Variants in EDIL3 observed in about 807,000 individuals in gnomAD.
EDIL3 encodes EGF-like repeat and discoidin I-like domain-containing protein 3.
A neutral mutation model predicts 67.4 loss-of-function variants in EDIL3; 37 were observed. The observed-to-expected ratio is 0.55, with a 90% confidence interval of 0.42 to 0.72. The LOEUF is 0.72. Ranked by LOEUF, EDIL3 falls within the 30% of genes least tolerant of loss-of-function variation. EDIL3 has a pLI of 0.00. For missense variants in EDIL3, 527 were observed against 586.3 expected (o/e 0.90, Z 1.04); for synonymous variants, 195 against 196.3 (o/e 0.99, Z 0.05).
At chr5:84,363,761 T>C (rs1256308785) in intron 1 of EDIL3, among the ~76,000 whole-genome samples, 1 of 152,168 alleles carries the variant, frequency 6.6e-6, no homozygotes, top group Non-Finnish European at 1.5e-5. Context: ...ACTTCTTGAC[T>C]GTATAAATTT....
At chr5:84,067,086 T>C (rs1449103304) in intron 6 of EDIL3, among the ~76,000 whole-genome samples, 1 of 152,168 alleles carries the variant, frequency 6.6e-6, no homozygotes, top group Non-Finnish European at 1.5e-5. Flanking sequence ...TTTTAAAAAG[T>C]AAAGACAAAA....
At chr5:84,300,207 A>G (rs1157662076) in intron 1 of EDIL3, among the ~76,000 whole-genome samples, 2 of 152,148 alleles carry the variant, frequency 1.3e-5, no homozygotes, top group Non-Finnish European at 2.9e-5. Flanking sequence ...TGCATTTCTT[A>G]GCTTTTGGCC....
At chr5:84,147,171 A>G (rs1748303296) in intron 4 of EDIL3, among the ~76,000 whole-genome samples, 1 of 152,170 alleles carries the variant, frequency 6.6e-6, no homozygotes, top group Admixed American at 6.6e-5. Context: ...TAGTAAAAAA[A>G]AAAATTCTGT....
chr5:84,199,304 T>C (rs1025478690), intron 3 of EDIL3, among the ~76,000 whole-genome samples: 1 of 152,034 alleles, frequency 6.6e-6, no homozygotes, highest in African/African-American at 2.4e-5. Context: ...ATGGAAAATA[T>C]TTATACTATT....
Position 84,088,542 on chromosome 5 carries a change from TAAC to T in EDIL3, c.651+18104_651+18106del, listed in dbSNP as rs139423700. Among the ~76,000 whole-genome samples, 771 of 152,326 alleles carry T rather than the reference TAAC, an allele frequency of 5.1e-3. 9 individuals carry two copies. Among genetic ancestry groups the T allele is most frequent in the African/African-American group, 0.018 (744 of 41,568 alleles). ...TTCTAAAATTCAGTACTTCATCTCT[TAAC>T]AACACTAATGATAGTAATAAACTAA... On this transcript the variant is annotated intron_variant, in intron 6 of 10. Transcript: ENST00000296591.
intron 6 of EDIL3, among the ~76,000 whole-genome samples, chr5:84,092,744 T>C (rs905046522): frequency 1.7e-4 from 26 of 151,900 alleles, no homozygotes; most frequent in Non-Finnish European, 2.4e-4. Context: ...AATACATTTA[T>C]AAAAATGTGC....
intron 10 of EDIL3, among the ~76,000 whole-genome samples, chr5:83,959,790 T>C (rs1317124879): frequency 6.6e-6 from 1 of 150,910 alleles, no homozygotes; most frequent in Non-Finnish European, 1.5e-5. Context: ...ATGTATGAAA[T>C]GATACATAAA....
At chr5:84,101,261 AG>A (rs1294982865) in intron 6 of EDIL3, among the ~76,000 whole-genome samples, 1 of 152,106 alleles carries the variant, frequency 6.6e-6, no homozygotes, top group Non-Finnish European at 1.5e-5. Context: ...TAATCTTTAA[AG>A]TTCTGACAAC....
chr5:83,959,500 A>G (rs1349262050), intron 10 of EDIL3, among the ~76,000 whole-genome samples: 2 of 151,110 alleles, frequency 1.3e-5, no homozygotes, highest in South Asian at 2.1e-4. Flanking sequence ...TTGTTTATAC[A>G]TATTTCTGTT....
chr5:83,966,869 A>C (rs2112133403), intron 9 of EDIL3, among the ~76,000 whole-genome samples: 1 of 152,264 alleles, frequency 6.6e-6, no homozygotes, highest in Middle Eastern at 3.4e-3. Context: ...GGATACAGAG[A>C]AATGGGTGAC....
At chr5:84,366,899 C>T (rs965354381) in intron 1 of EDIL3, among the ~76,000 whole-genome samples, 1 of 152,154 alleles carries the variant, frequency 6.6e-6, no homozygotes, top group South Asian at 2.1e-4. Flanking sequence ...TATAACATGT[C>T]ATTTATGAAA....
At position 84,212,997 on chromosome 5, in the gene EDIL3, T is replaced by TAA. The variant is rs199898963; in HGVS notation, c.226+16856_226+16857dup. Among the ~76,000 whole-genome samples, 588 of 108,946 alleles carry TAA rather than the reference T, an allele frequency of 5.4e-3. 3 individuals carry two copies. Among genetic ancestry groups the TAA allele is most frequent in the African/African-American group, 0.018 (558 of 31,598 alleles). 71.5% of individuals were successfully genotyped at this position (108,946 alleles called of 152,430 possible). A position where few individuals can be genotyped will look rare whatever the true frequency, so the allele number is the denominator to read the frequency against. ...ATTTGGTGAAACAAACAGAGAAGAC[T>TAA]AAAAAAAAAAAAAAAAAATCACAGT... On this transcript the variant is annotated intron_variant, in intron 3 of 10. Transcript: ENST00000296591.
chr5:84,357,555 T>G (rs574495723), intron 1 of EDIL3, among the ~76,000 whole-genome samples: 70 of 152,050 alleles, frequency 4.6e-4, no homozygotes, highest in Non-Finnish European at 7.8e-4. Context: ...CATATCTCTG[T>G]CCCAGAACTT....
chr5:84,324,337 AAC>A (rs1487414145), intron 1 of EDIL3, among the ~76,000 whole-genome samples: 10 of 151,772 alleles, frequency 6.6e-5, no homozygotes, highest in African/African-American at 1.9e-4. Context: ...AAAATAAGCA[AAC>A]ACAATGGAAA....
At chr5:84,045,686 T>C (rs142167719) in intron 9 of EDIL3, among the ~76,000 whole-genome samples, 20 of 152,332 alleles carry the variant, frequency 1.3e-4, no homozygotes, top group Admixed American at 5.9e-4. Context: ...AGACACACTA[T>C]GCTAAAGAAT....
intron 3 of EDIL3, among the ~76,000 whole-genome samples, chr5:84,217,061 C>G (rs1047170407): frequency 1.3e-5 from 2 of 151,238 alleles, no homozygotes; most frequent in Non-Finnish European, 2.9e-5. Context: ...TTCCCTGAGC[C>G]AGGAAATCTC....
intron 9 of EDIL3, among the ~76,000 whole-genome samples, chr5:84,056,080 A>G (rs547417326): frequency 3.9e-5 from 6 of 152,324 alleles, no homozygotes; most frequent in African/African-American, 1.4e-4. Context: ...ACAATGGTAG[A>G]CTGGATTAGG....
intron 1 of EDIL3, among the ~76,000 whole-genome samples, chr5:84,344,203 T>C (rs1228124261): frequency 6.6e-6 from 1 of 152,078 alleles, no homozygotes; most frequent in Non-Finnish European, 1.5e-5. Context: ...CAATTTTTAG[T>C]TGTGAAGAAT....
chr5:83,995,829 T>C (rs1345367598), intron 9 of EDIL3, among the ~76,000 whole-genome samples: 2 of 152,176 alleles, frequency 1.3e-5, no homozygotes, highest in African/African-American at 4.8e-5. Context: ...CCTCCTCCTA[T>C]CCAGTAAGCA....
Sources: allele counts gnomAD v4.1 joint callset (sites outside exome capture counted in the v4.1 genomes callset), GRCh38; gene constraint gnomAD v4.1.1; transcripts MANE v1.5; gene names NCBI Gene and HGNC (gene_info 2026-07-23, HGNC 2026-07-21).